Variants in CCNY observed in about 807,000 individuals in gnomAD.
CCNY encodes the protein cyclin-Y.
Under a neutral mutation model 42.8 loss-of-function variants are expected in CCNY, and 19 were observed. The ratio of observed to expected loss-of-function variants is 0.44; its 90% CI spans 0.31 to 0.65. CCNY has a LOEUF of 0.65. Among genes scored for constraint, CCNY ranks in the 30% least tolerant of loss-of-function variants. The pLI is 0.07. For missense variants in CCNY, 370 were observed against 437.3 expected, an observed-to-expected ratio of 0.85 and a Z score of 1.37; for synonymous variants, 165 against 162.7, an observed-to-expected ratio of 1.01 and a Z score of -0.11.
intron 3 of CCNY, among the ~76,000 whole-genome samples, chr10:35,507,144 G>GTGAA (rs1840231077): frequency 6.6e-6 from 1 of 152,192 alleles, no homozygotes; most frequent in Admixed American, 6.5e-5. Context: ...AAGGAATGAA[G>GTGAA]TGAAGCCTTG....
intron 1 of CCNY, among the ~76,000 whole-genome samples, chr10:35,482,687 T>A (rs7921053): frequency 0.4 from 61,159 of 151,080 alleles, 13,459 homozygotes; most frequent in African/African-American, 0.58. Flanking sequence ...GCCAGTTGTG[T>A]CCACTGGGGT....
chr10:35,406,849 G>A lies in CCNY; in HGVS notation c.154+69642G>A, dbSNP rs543807481. On this transcript the variant is annotated intron_variant, in intron 1 of 9. Coordinates refer to ENST00000374704, the MANE Select transcript of CCNY (RefSeq NM_145012.6). ...CACCTCCCGGATGGGGCGGCTGGCC[G>A]GGCGGGGGGCTGACCCCCCCCCACC... Among the ~76,000 whole-genome samples, 158 of 151,890 alleles carry A rather than the reference G, an allele frequency of 1.0e-3. 1 individual carries two copies. The highest frequency in any genetic ancestry group is 7.7e-3 in the South Asian group (37 of 4,812).
At chr10:35,375,138 T>C (rs1482159634) in intron 1 of CCNY, among the ~76,000 whole-genome samples, 1 of 152,094 alleles carries the variant, frequency 6.6e-6, no homozygotes, top group Non-Finnish European at 1.5e-5. Flanking sequence ...TACCACAGAG[T>C]TGGTGGCGTA....
At chr10:35,277,864 C>G (rs978753419) in intron 3 of CCNY, among the ~76,000 whole-genome samples, 2 of 152,114 alleles carry the variant, frequency 1.3e-5, no homozygotes, top group Non-Finnish European at 2.9e-5. Flanking sequence ...CCCAATTGGC[C>G]CTTTCCCATT....
intron 1 of CCNY, among the ~76,000 whole-genome samples, chr10:35,354,374 C>T (rs1430435802): frequency 4.6e-5 from 7 of 151,840 alleles, no homozygotes; most frequent in African/African-American, 7.3e-5. Flanking sequence ...TTGGTAGAGA[C>T]GGGGTTTCAC....
At chr10:35,342,974 G>A (rs1036337620) in intron 1 of CCNY, among the ~76,000 whole-genome samples, 1 of 141,734 alleles carries the variant, frequency 7.1e-6, no homozygotes, top group African/African-American at 2.6e-5. Context: ...AATATTTTGT[G>A]TAAGGACTTT....
chr10:35,464,979 G>C (rs920976205), intron 1 of CCNY, among the ~76,000 whole-genome samples: 2 of 152,180 alleles, frequency 1.3e-5, no homozygotes, highest in African/African-American at 4.8e-5. Context: ...AGCAATCCAA[G>C]TGGTATTTTT....
At chr10:35,261,169 T>C (rs1457731909) in intron 3 of CCNY, among the ~76,000 whole-genome samples, 1 of 148,978 alleles carries the variant, frequency 6.7e-6, no homozygotes, top group African/African-American at 2.5e-5. Context: ...GGAAGGAGGA[T>C]CGCTTGAGGT....
At chr10:35,486,806 C>G (rs895878358) in intron 2 of CCNY, among the ~76,000 whole-genome samples, 1 of 152,226 alleles carries the variant, frequency 6.6e-6, no homozygotes, top group African/African-American at 2.4e-5. Context: ...TTGCCTCACA[C>G]CTGGATTTCT....
chr10:35,482,505 A>G lies in CCNY; in HGVS notation c.155-899A>G, dbSNP rs12251631. On this transcript the variant is annotated intron_variant, in intron 1 of 9. Coordinates refer to ENST00000374704, the MANE Select transcript of CCNY (RefSeq NM_145012.6). The stretch of plus-strand genomic sequence containing the variant: ...GATGGCATTCTAAGTTGTTTATACC[A>G]TCCTGACAAGTTGTAGACCTTGGAG... 2.0e-3 allele frequency among the ~76,000 whole-genome samples: 309 copies of G among 152,292 alleles called. 2 individuals are homozygous for G. The highest frequency in any genetic ancestry group is 7.1e-3 in the African/African-American group (295 of 41,550).
intron 1 of CCNY, among the ~76,000 whole-genome samples, chr10:35,369,064 T>C (rs923425714): frequency 6.6e-6 from 1 of 152,222 alleles, no homozygotes; most frequent in Non-Finnish European, 1.5e-5. Context: ...CGTGGAGATC[T>C]GTCCTGCTTG....
intron 1 of CCNY, among the ~76,000 whole-genome samples, chr10:35,340,379 A>G (rs1836149684): frequency 6.6e-6 from 1 of 152,168 alleles, no homozygotes; most frequent in Non-Finnish European, 1.5e-5. Flanking sequence ...TGGGAGGAGA[A>G]AGGGAGGGAG....
chr10:35,356,517 G>A (rs1294364153), intron 1 of CCNY, among the ~76,000 whole-genome samples: 1 of 152,154 alleles, frequency 6.6e-6, no homozygotes, highest in African/African-American at 2.4e-5. Context: ...TGTGGCAACG[G>A]GAAGCGTGCT....
In CCNY at chr10:35,486,517, C is replaced by A. The variant is rs1022514601; in HGVS notation, c.229+3039C>A. 1.8e-4 allele frequency among the ~76,000 whole-genome samples: 27 copies of A among 152,178 alleles called. 1 individual carries two copies. Among genetic ancestry groups the A allele is most frequent in the Non-Finnish European group, 1.5e-5 (1 of 68,034 alleles). ...ACTGCAGCAGCCTCTAGACTGGACT[C>A]CCTGCCCTTGACCTTATCCCTCTCT... On this transcript the variant is annotated intron_variant, in intron 2 of 9. Transcript: ENST00000374704.
chr10:35,337,457 G>A (rs1836069508), intron 1 of CCNY, among the ~76,000 whole-genome samples: 1 of 152,192 alleles, frequency 6.6e-6, no homozygotes. Context: ...GCCTAGGGCG[G>A]GTGTGTGCGC....
At chr10:35,539,837 C>G (rs1031448765) in intron 7 of CCNY, among the ~76,000 whole-genome samples, 2 of 152,100 alleles carry the variant, frequency 1.3e-5, no homozygotes, top group Admixed American at 1.3e-4. Flanking sequence ...CTTTTGCATG[C>G]TGTTATAAAT....
intron 2 of CCNY, among the ~76,000 whole-genome samples, chr10:35,250,169 C>T (rs1444882095): frequency 6.3e-5 from 8 of 126,560 alleles, no homozygotes; most frequent in East Asian, 2.3e-4. Flanking sequence ...ACTCCAGCCT[C>T]GGTGACAGAG....
chr10:35,423,282 C>T (rs1045249742), intron 1 of CCNY, among the ~76,000 whole-genome samples: 3 of 152,036 alleles, frequency 2.0e-5, no homozygotes, highest in Non-Finnish European at 4.4e-5. Flanking sequence ...CGAGACCAGG[C>T]TGGGCAATGT....
chr10:35,497,432 A>T (rs980079171), intron 2 of CCNY, among the ~76,000 whole-genome samples: 1 of 152,168 alleles, frequency 6.6e-6, no homozygotes, highest in African/African-American at 2.4e-5. Context: ...CAGGTGATAC[A>T]CCACTGTAAA....
Sources: gnomAD v4.1 joint callset for allele counts (sites outside exome capture counted in the v4.1 genomes callset) on GRCh38, gnomAD v4.1.1 for gene constraint, MANE v1.5 for transcripts, NCBI Gene and HGNC (gene_info 2026-07-23, HGNC 2026-07-21) for gene names.